Variants in MAPKAPK5 observed in about 807,000 individuals in gnomAD.
The protein encoded by MAPKAPK5 is MAP kinase-activated protein kinase 5.
Under a neutral mutation model 65.1 loss-of-function variants are expected in MAPKAPK5, and 30 were observed. The ratio of observed to expected loss-of-function variants is 0.46; its 90% CI spans 0.34 to 0.63. The LOEUF (loss-of-function observed/expected upper bound fraction) is 0.63, where lower values mean the gene tolerates loss of function less well. MAPKAPK5 is among the 20% of genes least tolerant of loss of function. The pLI, the probability that MAPKAPK5 is intolerant of heterozygous loss-of-function variation, is 0.01. For missense variants in MAPKAPK5, 433 were observed against 581.4 expected (o/e 0.74, Z 2.63); for synonymous variants, 179 against 204.6 (o/e 0.87, Z 1.07).
At chr12:111,871,373 G>T (rs1375108564) in intron 7 of MAPKAPK5, among the ~76,000 whole-genome samples, 193 bp downstream of exon 7, 1 of 152,170 alleles carries the variant, frequency 6.6e-6, no homozygotes, top group East Asian at 1.9e-4. Flanking sequence ...AGGTGCGGTG[G>T]CTCACGCCTT....
At chr12:111,879,370 T>C (rs957387777) in intron 7 of MAPKAPK5, 1 of 151,346 alleles carries the variant, frequency 6.6e-6, no homozygotes, top group Non-Finnish European at 1.5e-5. Context: ...GTCCTCTGCA[T>C]GGAGACTTTA....
chr12:111,875,198 G>A (rs1217695210), intron 7 of MAPKAPK5, among the ~76,000 whole-genome samples: 1 of 151,060 alleles, frequency 6.6e-6, no homozygotes, highest in Non-Finnish European at 1.5e-5. Flanking sequence ...TCTTTTTTGA[G>A]AGCCTAAAAG....
Position 111,892,951 on chromosome 12 carries a change from CT to C in MAPKAPK5, c.1322-9del, listed in dbSNP as rs770807141. 9.7e-6 allele frequency: 15 copies of C among 1,547,692 alleles called. No individual in the cohort carries two copies. The highest frequency in any genetic ancestry group is 7.8e-5 in the Admixed American group (4 of 51,278). ...AAAGAATTTGAGGACTGACCTTGTT[CT>C]TTTTTTGCTTTCAGGTCGTGGATTC... On this transcript the variant is annotated splice_polypyrimidine_tract_variant and intron_variant, in intron 13 of 13. Coordinates refer to ENST00000550735, the MANE Select transcript of MAPKAPK5 (RefSeq NM_003668.4).
intron 13 of MAPKAPK5, among the ~76,000 whole-genome samples, chr12:111,891,169 C>T (rs1312060345): frequency 6.6e-6 from 1 of 151,762 alleles, no homozygotes; most frequent in Non-Finnish European, 1.5e-5. Context: ...TCTTGACTTA[C>T]TGCAACCTCC....
chr12:111,872,522 A>G (rs1204514965), intron 7 of MAPKAPK5, among the ~76,000 whole-genome samples: 3 of 152,202 alleles, frequency 2.0e-5, no homozygotes, highest in East Asian at 3.8e-4. Context: ...TGCCATATGT[A>G]TGTTGTATTC....
At chr12:111,847,794 A>G (rs1488098551) in intron 1 of MAPKAPK5, among the ~76,000 whole-genome samples, 2 of 152,080 alleles carry the variant, frequency 1.3e-5, no homozygotes, top group Non-Finnish European at 2.9e-5. Context: ...CCCTGTTCCC[A>G]TTCCTCGCCC....
rs182249462 is a variant in MAPKAPK5 at position 111,861,927 on chromosome 12, A to G, written c.37-3323A>G. On this transcript the variant is annotated intron_variant, in intron 1 of 13. Coordinates refer to ENST00000550735, the MANE Select transcript of MAPKAPK5 (RefSeq NM_003668.4). The stretch of plus-strand genomic sequence containing the variant: ...GACCCCTTGTCTTGGAGAATTCTCA[A>G]AAATGATTTTATTCCAAGTGTTTGT... 6.0e-4 allele frequency among the ~76,000 whole-genome samples: 91 copies of G among 152,362 alleles called. 1 individual carries two copies. Among genetic ancestry groups the G allele is most frequent in the East Asian group, 1.9e-4 (1 of 5,190 alleles).
At chr12:111,888,370 A>G in intron 10 of MAPKAPK5, 118 bp from the exon 11 acceptor site, 1 of 1,362,804 alleles carries the variant, frequency 7.3e-7, no homozygotes. Flanking sequence ...ATATTCCTTC[A>G]GCATAAGAGT....
chr12:111,860,181 A>G (rs912956185), intron 1 of MAPKAPK5, among the ~76,000 whole-genome samples: 1 of 152,182 alleles, frequency 6.6e-6, no homozygotes, highest in Non-Finnish European at 1.5e-5. Context: ...AGGTTCTCAA[A>G]TACTTTCAGC....
Position 111,849,061 on chromosome 12 carries a change from G to C in MAPKAPK5, c.36+6292G>C, listed in dbSNP as rs2068989682. ...TTACAGATGTGAACCACCATGCCCA[G>C]CCTAAAATTGATTTCTTTGCCTTAT... On this transcript the variant is annotated intron_variant, in intron 1 of 13. Coordinates refer to ENST00000550735, the MANE Select transcript of MAPKAPK5 (RefSeq NM_003668.4). Among the ~76,000 whole-genome samples the C allele has an allele frequency of 3.3e-5, 5 of 151,956 alleles. No individual in the cohort carries two copies. In the South Asian group the frequency reaches 1.0e-3, roughly 32 times the overall value.
Position 111,871,197 on chromosome 12 carries a change from T to G in MAPKAPK5, c.579+17T>G. The stretch of plus-strand genomic sequence containing the variant: ...GCACCCCAGGTAAGCATGTGCGGTT[T>G]CTGTCCTAAGATCTGTCACCAAGCT... On this transcript the variant is annotated intron_variant, in intron 7 of 13. Coordinates refer to ENST00000550735, the MANE Select transcript of MAPKAPK5 (RefSeq NM_003668.4). 6.2e-7 allele frequency: 1 copy of G among 1,606,038 alleles called. No individual in the cohort carries two copies. Among genetic ancestry groups the G allele is most frequent in the Non-Finnish European group, 8.5e-7 (1 of 1,173,706 alleles).
Position 111,885,928 on chromosome 12 carries a change from C to G in MAPKAPK5, c.861C>G (p.Val287=), listed in dbSNP as rs1404534495. 7 of 1,613,940 alleles carry G rather than the reference C, an allele frequency of 4.3e-6. No homozygotes were observed. Among genetic ancestry groups the G allele is most frequent in the Admixed American group, 1.7e-5 (1 of 60,006 alleles). ...GTTTTCTCCACAGGCTCCTGAAGGT[C>G]AAACCGGAGGAGAGACTCACCATCG... is the stretch of plus-strand genomic sequence containing the variant. The part of the protein sequence containing the change: ...AKDVVRKLLK[V]KPEERLTIEG... The change falls in exon 10 of 14, where the codon GTC becomes GTG. Residue 287 remains valine, a synonymous_variant. Transcript: ENST00000550735.
chr12:111,845,010 A>G (rs2068862253), intron 1 of MAPKAPK5, among the ~76,000 whole-genome samples: 1 of 152,244 alleles, frequency 6.6e-6, no homozygotes, highest in African/African-American at 2.4e-5. Flanking sequence ...AAGGGGAACT[A>G]TAGGAGAGTT....
rs1989866 is a variant in MAPKAPK5 at position 111,901,465 on chromosome 12, T to G, written c.*8404T>G. 0.011 allele frequency: 5,144 copies of G among 454,686 alleles called. 388 individuals are homozygous for G. In the Admixed American group the frequency reaches 0.12, roughly 10 times the overall value. 28.2% of individuals were successfully genotyped at this position (454,686 alleles called of 1,614,324 possible). A position where few individuals can be genotyped will look rare whatever the true frequency, so the allele number is the denominator to read the frequency against. On this transcript the variant is annotated 3_prime_UTR_variant, in exon 14 of 14. Transcript: ENST00000550735. ...AGACGTGAAGAACATGCTGTAGACA[T>G]GATGATATTATCATTCATTATACTT... is the stretch of plus-strand genomic sequence containing the variant.
Position 111,896,404 on chromosome 12 carries a change from C to T in MAPKAPK5, c.*3343C>T, listed in dbSNP as rs2070817294. 2.0e-5 allele frequency: 3 copies of T among 152,094 alleles called. No homozygotes were observed. Among genetic ancestry groups the T allele is most frequent in the Admixed American group, 1.3e-4 (2 of 15,258 alleles). 9.4% of individuals were successfully genotyped at this position (152,094 alleles called of 1,614,324 possible). A position where few individuals can be genotyped will look rare whatever the true frequency, so the allele number is the denominator to read the frequency against. On this transcript the variant is annotated 3_prime_UTR_variant, in exon 14 of 14. Coordinates refer to ENST00000550735, the MANE Select transcript of MAPKAPK5 (RefSeq NM_003668.4). ...GGATGCCCCAGCTGTTGTAATGCAA[C>T]AGCATACCTTGAAAAAAAACAGTAG... is the stretch of plus-strand genomic sequence containing the variant.
intron 12 of MAPKAPK5, 88 bp downstream of exon 12, chr12:111,889,088 A>G: frequency 7.1e-7 from 1 of 1,404,858 alleles, no homozygotes; most frequent in South Asian, 1.3e-5. Context: ...ACATGGCAAA[A>G]GGAATGGTTT....
chr12:111,854,053 A>G (rs1392412919), intron 1 of MAPKAPK5, among the ~76,000 whole-genome samples: 1 of 152,074 alleles, frequency 6.6e-6, no homozygotes, highest in Non-Finnish European at 1.5e-5. Context: ...TGCTAGTTTC[A>G]GTTTGTTAAT....
In MAPKAPK5 at chr12:111,842,496, C is replaced by T. The variant is rs75241782; in HGVS notation, c.-238C>T. The T allele has an allele frequency of 0.066, 22,375 of 337,932 alleles. 5,071 individuals are homozygous for T. Among genetic ancestry groups the T allele is most frequent in the East Asian group, 0.64 (14,499 of 22,816 alleles). The allele number at this position is 337,932 out of a possible 1,614,324, so 20.9% of individuals were successfully genotyped here. Reference sequence around the variant, plus strand: ...GGAGGCGGCCGCGTGGGGCCCAGCACAAAGACCTGTCCCCAGGGGCCGCCG... The same window carrying T: ...GGAGGCGGCCGCGTGGGGCCCAGCATAAAGACCTGTCCCCAGGGGCCGCCG... On this transcript the variant is annotated 5_prime_UTR_variant, in exon 1 of 14. Transcript: ENST00000550735.
At position 111,871,067 on chromosome 12, in the gene MAPKAPK5, T is replaced by C. The variant is rs1198796131; in HGVS notation, c.484-18T>C. ...CTGAGCACTCTGGAGCAGTGACTCC[T>C]TTTTTTTTTAATTTCAGGATGCCCC... On this transcript the variant is annotated intron_variant, in intron 6 of 13. Coordinates refer to ENST00000550735, the MANE Select transcript of MAPKAPK5 (RefSeq NM_003668.4). The C allele has an allele frequency of 1.4e-5, 13 of 918,678 alleles. No homozygotes were observed. The highest frequency in any genetic ancestry group is 3.7e-5 in the East Asian group (1 of 26,752). The allele number at this position is 918,678 out of a possible 1,614,324, so 56.9% of individuals were successfully genotyped here. A position where few individuals can be genotyped will look rare whatever the true frequency, so the allele number is the denominator to read the frequency against.
Sources: gnomAD v4.1 joint callset for allele counts (sites outside exome capture counted in the v4.1 genomes callset) on GRCh38, gnomAD v4.1.1 for gene constraint, MANE v1.5 for transcripts, NCBI Gene and HGNC (gene_info 2026-07-23, HGNC 2026-07-21) for gene names.